STXBP5L: variants seen among roughly 807,000 people sequenced by gnomAD.
STXBP5L encodes the protein syntaxin-binding protein 5-like.
A neutral mutation model predicts 144.5 loss-of-function variants in STXBP5L; 65 were observed. That is an observed-to-expected ratio of 0.45 (90% CI 0.37 to 0.55). The LOEUF (loss-of-function observed/expected upper bound fraction) is 0.55. Ranked by LOEUF, STXBP5L falls within the 20% of genes least tolerant of loss-of-function variation. STXBP5L has a pLI of 0.00. For missense variants in STXBP5L, 1,298 were observed against 1,405.5 expected, an observed-to-expected ratio of 0.92 and a Z score of 1.22; for synonymous variants, 505 against 469.6, an observed-to-expected ratio of 1.08 and a Z score of -0.97.
intron 18 of STXBP5L, among the ~76,000 whole-genome samples, chr3:121,276,313 CATT>C (rs1213801057): frequency 5.3e-5 from 8 of 151,812 alleles, no homozygotes; most frequent in African/African-American, 1.4e-4. Context: ...CTGTTTTTTG[CATT>C]ATTGTCATAA....
chr3:121,211,584 T>TC (rs2048569886), intron 10 of STXBP5L, among the ~76,000 whole-genome samples: 4 of 142,918 alleles, frequency 2.8e-5, no homozygotes, highest in African/African-American at 1.0e-4. Flanking sequence ...CTTTCTTTTT[T>TC]TTTTTTTTTT....
chr3:121,297,739 G>A (rs892314732), intron 19 of STXBP5L, among the ~76,000 whole-genome samples: 5 of 152,200 alleles, frequency 3.3e-5, no homozygotes, highest in Admixed American at 3.3e-4. Flanking sequence ...GCGCGACAGA[G>A]TGAGACTCTG....
rs899486248 is a variant in STXBP5L, at chr3:120,944,534, T to C, written c.190-10406T>C. 2.2e-4 allele frequency among the ~76,000 whole-genome samples: 33 copies of C among 151,784 alleles called. 1 individual carries two copies. The highest frequency in any genetic ancestry group is 1.0e-4 in the Non-Finnish European group (7 of 67,814). ...ATGGGAGTGGATTAGTGCTTTATTC[T>C]TTTAACAATTTAATATAACTACCTT... is the stretch of plus-strand genomic sequence containing the variant. On this transcript the variant is annotated intron_variant, in intron 2 of 26. Coordinates refer to ENST00000471454, the MANE Select transcript of STXBP5L (RefSeq NM_001308330.2).
chr3:121,096,594 C>T (rs372975686), intron 5 of STXBP5L, among the ~76,000 whole-genome samples: 37 of 152,102 alleles, frequency 2.4e-4, no homozygotes, highest in African/African-American at 8.9e-4. Flanking sequence ...ACAGTCAGGC[C>T]CCTCTGCTGC....
intron 20 of STXBP5L, among the ~76,000 whole-genome samples, chr3:121,352,000 G>A (rs2045304385): frequency 6.6e-6 from 1 of 152,086 alleles, no homozygotes; most frequent in African/African-American, 2.4e-5. Flanking sequence ...TTGTAGATGT[G>A]TAGTGTTATT....
intron 19 of STXBP5L, among the ~76,000 whole-genome samples, chr3:121,314,104 CT>C (rs1357197538): frequency 8.6e-4 from 123 of 143,678 alleles, no homozygotes; most frequent in African/African-American, 2.9e-3. Context: ...ACGCTCCTCA[CT>C]TTCCAGACTG....
chr3:120,994,891 GC>G (rs146219535), intron 3 of STXBP5L, among the ~76,000 whole-genome samples: 2,512 of 152,138 alleles, frequency 0.017, 64 homozygotes, highest in African/African-American at 0.057. Context: ...TGGCAGTGAA[GC>G]CATTGGGTCC....
At chr3:121,055,843 C>T (rs1479652312) in intron 5 of STXBP5L, among the ~76,000 whole-genome samples, 7 of 150,168 alleles carry the variant, frequency 4.7e-5, no homozygotes, top group Non-Finnish European at 7.4e-5. Flanking sequence ...CACTATGATG[C>T]CTGACTAATG....
Position 120,962,650 on chromosome 3 carries a change from A to G in STXBP5L, c.287+7613A>G, listed in dbSNP as rs192845723. ...CATTGATCTATATCTCTGTTTTGGT[A>G]CCAGTACCATGCTGTTTTGCTTACT... On this transcript the variant is annotated intron_variant, in intron 3 of 26. Coordinates refer to ENST00000471454, the MANE Select transcript of STXBP5L (RefSeq NM_001308330.2). 1.1e-3 allele frequency among the ~76,000 whole-genome samples: 169 copies of G among 152,246 alleles called. 1 individual carries two copies. The highest frequency in any genetic ancestry group is 3.9e-3 in the African/African-American group (161 of 41,526).
chr3:120,929,841 T>C (rs1466691846), intron 2 of STXBP5L, among the ~76,000 whole-genome samples: 1 of 152,098 alleles, frequency 6.6e-6, no homozygotes, highest in Non-Finnish European at 1.5e-5. Context: ...TTATGATTAC[T>C]GGTGAGCTTG....
chr3:121,174,616 A>G (rs1350128427), intron 9 of STXBP5L, among the ~76,000 whole-genome samples: 2 of 152,168 alleles, frequency 1.3e-5, no homozygotes, highest in Non-Finnish European at 2.9e-5. Flanking sequence ...GCCAATAGAA[A>G]GATTTTGCAA....
At chr3:121,204,620 TAAAC>T (rs200319288) in intron 9 of STXBP5L, among the ~76,000 whole-genome samples, 2 of 144,500 alleles carry the variant, frequency 1.4e-5, no homozygotes, top group South Asian at 2.2e-4. Flanking sequence ...ATGTAATAGA[TAAAC>T]AATGTATTAC....
At chr3:121,323,481 A>G (rs1468521780) in intron 20 of STXBP5L, among the ~76,000 whole-genome samples, 2 of 152,194 alleles carry the variant, frequency 1.3e-5, no homozygotes, top group Non-Finnish European at 2.9e-5. Flanking sequence ...TCTTGAGGAT[A>G]ATACAGGAGA....
chr3:121,237,240 G>A (rs1163066317), intron 12 of STXBP5L, among the ~76,000 whole-genome samples: 5 of 152,240 alleles, frequency 3.3e-5, no homozygotes, highest in Non-Finnish European at 5.9e-5. Flanking sequence ...TGGCTCTTGT[G>A]TTCTGGGTGC....
chr3:121,151,973 T>C (rs2107984080), intron 7 of STXBP5L, among the ~76,000 whole-genome samples: 1 of 152,132 alleles, frequency 6.6e-6, no homozygotes, highest in Admixed American at 6.5e-5. Context: ...ATCTTTTTAA[T>C]GACGTGAATC....
chr3:121,062,776 C>T (rs775386076), intron 5 of STXBP5L, among the ~76,000 whole-genome samples: 2 of 152,174 alleles, frequency 1.3e-5, no homozygotes, highest in Admixed American at 6.5e-5. Context: ...TCTTGACATT[C>T]TTTCTTCCGC....
intron 5 of STXBP5L, among the ~76,000 whole-genome samples, chr3:121,090,385 A>G (rs571868099): frequency 2.0e-5 from 3 of 152,272 alleles, no homozygotes; most frequent in South Asian, 2.1e-4. Flanking sequence ...CCCTCTTACA[A>G]GGAAGAATAA....
intron 7 of STXBP5L, among the ~76,000 whole-genome samples, chr3:121,123,548 A>G (rs942126690): frequency 7.9e-5 from 12 of 151,512 alleles, no homozygotes; most frequent in African/African-American, 2.9e-4. Flanking sequence ...ATTTGTACTT[A>G]TATATTCAAA....
chr3:120,992,384 C>G (rs1331165211), intron 3 of STXBP5L, among the ~76,000 whole-genome samples: 1 of 152,006 alleles, frequency 6.6e-6, no homozygotes, highest in East Asian at 1.9e-4. Context: ...TGCTATTGAA[C>G]ATTAGACCTC....
Sources: allele counts gnomAD v4.1 joint callset (sites outside exome capture counted in the v4.1 genomes callset), GRCh38; gene constraint gnomAD v4.1.1; transcripts MANE v1.5; gene names NCBI Gene and HGNC (gene_info 2026-07-23, HGNC 2026-07-21).